OTOGL: variants seen among roughly 807,000 people sequenced by gnomAD.
OTOGL encodes otogelin-like protein.
In OTOGL, 285 loss-of-function variants were observed where a neutral mutation model predicts 318.5. That is an observed-to-expected ratio of 0.89 (90% CI 0.81 to 0.99). The LOEUF is 0.99. Among genes scored for constraint, OTOGL ranks in the 50% least tolerant of loss-of-function variants. OTOGL has a pLI of 0.00. For missense variants in OTOGL, 2,899 were observed against 2,845.6 expected, an observed-to-expected ratio of 1.02 and a Z score of -0.43; for synonymous variants, 987 against 936.5, an observed-to-expected ratio of 1.05 and a Z score of -0.99.
intron 1 of OTOGL, among the ~76,000 whole-genome samples, chr12:80,114,956 C>G (rs1461800989): frequency 6.6e-6 from 1 of 151,722 alleles, no homozygotes; most frequent in Non-Finnish European, 1.5e-5. Flanking sequence ...CTGTGTTTTT[C>G]AGCTCCATCA....
At chr12:80,306,353 T>G (rs1886103519) in intron 29 of OTOGL, among the ~76,000 whole-genome samples, 2 of 152,236 alleles carry the variant, frequency 1.3e-5, no homozygotes, top group Non-Finnish European at 2.9e-5. Flanking sequence ...GAAACACATT[T>G]TGAAAAATGC....
chr12:80,250,553 G>A (rs551974508), intron 11 of OTOGL, among the ~76,000 whole-genome samples: 7 of 152,160 alleles, frequency 4.6e-5, no homozygotes, highest in Non-Finnish European at 1.0e-4. Context: ...AGCCTAAACT[G>A]TTTTGAAAAG....
intron 26 of OTOGL, among the ~76,000 whole-genome samples, chr12:80,284,464 A>G (rs1163287212): frequency 1.3e-5 from 2 of 152,200 alleles, no homozygotes; most frequent in African/African-American, 4.8e-5. Flanking sequence ...ACTGTCTTCC[A>G]CAATGGTTGA....
intron 24 of OTOGL, among the ~76,000 whole-genome samples, chr12:80,272,083 A>G (rs925445372): frequency 1.3e-5 from 2 of 152,172 alleles, no homozygotes; most frequent in South Asian, 4.1e-4. Flanking sequence ...AAGTGACACA[A>G]TTAATCACTC....
intron 1 of OTOGL, among the ~76,000 whole-genome samples, chr12:80,101,849 GT>G (rs1869158495): frequency 6.6e-6 from 1 of 152,210 alleles, no homozygotes; most frequent in South Asian, 2.1e-4. Flanking sequence ...GTGAAGTGTT[GT>G]GGTATTGATG....
intron 47 of OTOGL, 53 bp from the exon 48 acceptor site, chr12:80,356,363 T>C (rs1889896983): frequency 7.3e-7 from 1 of 1,369,528 alleles, no homozygotes; most frequent in Non-Finnish European, 1.0e-6. Context: ...TGCTTTGAGT[T>C]GGCAGATTTT....
chr12:80,226,286 A>G (rs953283211), intron 7 of OTOGL, among the ~76,000 whole-genome samples: 1 of 150,912 alleles, frequency 6.6e-6, no homozygotes, highest in African/African-American at 2.4e-5. Flanking sequence ...TATATTTTTT[A>G]TATTATTGTC....
At chr12:80,192,714 G>A (rs558336508) in intron 1 of OTOGL, among the ~76,000 whole-genome samples, 1 of 151,896 alleles carries the variant, frequency 6.6e-6, no homozygotes, top group South Asian at 2.1e-4. Flanking sequence ...AAGAACATGA[G>A]TATTTTTGTC....
rs539974214 is a variant in OTOGL, at chr12:80,154,443, C to T, written c.-20+54838C>T. On this transcript the variant is annotated intron_variant, in intron 1 of 58. Coordinates refer to ENST00000547103, the MANE Select transcript of OTOGL (RefSeq NM_001378609.3). Reference sequence around the variant, plus strand: ...ACTGGGGACTTTCCAGGAGCCTGCACCAAATAAGGCAGCTGCACAATCAAT... The same window carrying T: ...ACTGGGGACTTTCCAGGAGCCTGCATCAAATAAGGCAGCTGCACAATCAAT... Among the ~76,000 whole-genome samples, 4 of 152,190 alleles carry T rather than the reference C, an allele frequency of 2.6e-5. No individual in the cohort carries two copies. In the South Asian group the frequency reaches 8.3e-4, roughly 32 times the overall value.
At position 80,248,735 on chromosome 12, in the gene OTOGL, T is replaced by A. The variant is rs1881165306; in HGVS notation, c.1053-2958T>A. Among the ~76,000 whole-genome samples the A allele has an allele frequency of 8.1e-5, 12 of 148,128 alleles. No homozygotes were observed. The South Asian group carries it at 2.6e-3, about 32-fold the overall frequency. On this transcript the variant is annotated intron_variant, in intron 11 of 58. Coordinates refer to ENST00000547103, the MANE Select transcript of OTOGL (RefSeq NM_001378609.3). ...CTGCCTTGCTAGATTGGGGAAGTTC[T>A]CCTGGATAATATCCTGCAGAGTGTT... is the stretch of plus-strand genomic sequence containing the variant.
intron 9 of OTOGL, among the ~76,000 whole-genome samples, chr12:80,236,773 C>T (rs1188032584): frequency 4.0e-5 from 6 of 148,256 alleles, no homozygotes; most frequent in Admixed American, 3.3e-4. Flanking sequence ...CCCTAGGATT[C>T]TTTTCGTTTT....
Position 80,343,509 on chromosome 12 carries a change from G to GGTTTTTTTTTTTTTT in OTOGL, c.5265+1347_5265+1348insGTTTTTTTTTTTTTT. Reference sequence around the variant, plus strand: ...TACATTTTTATTATTTTTTATTCTTGTTTTTTTTTTTTTTTTTTTTTTTTT... The same window carrying GGTTTTTTTTTTTTTT: ...TACATTTTTATTATTTTTTATTCTTGGTTTTTTTTTTTTTTTTTTTTTTTTTTTTTTTTTTTTTTT... On this transcript the variant is annotated intron_variant, in intron 44 of 58. Coordinates refer to ENST00000547103, the MANE Select transcript of OTOGL (RefSeq NM_001378609.3). 8.9e-4 allele frequency: 32 copies of GGTTTTTTTTTTTTTT among 35,858 alleles called. 8 individuals carry two copies. Among genetic ancestry groups the GGTTTTTTTTTTTTTT allele is most frequent in the East Asian group, 2.3e-3 (2 of 886 alleles). The allele number at this position is 35,858 out of a possible 1,614,324, so 2.2% of individuals were successfully genotyped here. A position where few individuals can be genotyped will look rare whatever the true frequency, so the allele number is the denominator to read the frequency against.
intron 1 of OTOGL, among the ~76,000 whole-genome samples, chr12:80,196,599 C>G (rs909948485): frequency 3.3e-5 from 5 of 152,106 alleles, no homozygotes; most frequent in African/African-American, 1.2e-4. Context: ...GTTCTTCCAC[C>G]TGGACATCGT....
chr12:80,108,137 A>G (rs1050211223), intron 1 of OTOGL, among the ~76,000 whole-genome samples: 2 of 152,120 alleles, frequency 1.3e-5, no homozygotes, highest in African/African-American at 4.8e-5. Flanking sequence ...AGTTGCTAAT[A>G]TCAGGAAGTT....
chr12:80,377,545 G>T (rs1891234976), intron 58 of OTOGL, among the ~76,000 whole-genome samples: 1 of 152,086 alleles, frequency 6.6e-6, no homozygotes, highest in Non-Finnish European at 1.5e-5. Context: ...CTTGAGCCAT[G>T]ATATGACACA....
At chr12:80,328,095 T>C (rs1887814889) in intron 35 of OTOGL, among the ~76,000 whole-genome samples, 1 of 151,610 alleles carries the variant, frequency 6.6e-6, no homozygotes, top group African/African-American at 2.4e-5. Flanking sequence ...GGTGGGCTGA[T>C]TGCTTGAGCC....
chr12:80,197,688 G>A (rs1876172898), intron 1 of OTOGL, among the ~76,000 whole-genome samples: 1 of 152,194 alleles, frequency 6.6e-6, no homozygotes, highest in Non-Finnish European at 1.5e-5. Context: ...TTCCACAAAA[G>A]GCACTCTAAT....
chr12:80,309,071 C>T (rs913978739), intron 29 of OTOGL, among the ~76,000 whole-genome samples: 5 of 151,872 alleles, frequency 3.3e-5, no homozygotes, highest in African/African-American at 7.3e-5. Flanking sequence ...AATTTTAAAC[C>T]GCCTCAAAAT....
At chr12:80,343,433 C>A (rs1337211634) in intron 44 of OTOGL, 3 of 147,730 alleles carry the variant, frequency 2.0e-5, no homozygotes, top group African/African-American at 7.5e-5. Flanking sequence ...AAGGTAAATG[C>A]TATATGAATA....
Sources: gnomAD v4.1 joint callset for allele counts (sites outside exome capture counted in the v4.1 genomes callset) on GRCh38, gnomAD v4.1.1 for gene constraint, MANE v1.5 for transcripts, NCBI Gene and HGNC (gene_info 2026-07-23, HGNC 2026-07-21) for gene names.